Variants in AKAP9 observed in about 807,000 individuals in gnomAD.
AKAP9 encodes A-kinase anchor protein 9.
AKAP9 carries 311 observed loss-of-function variants against 488.5 expected under a neutral mutation model. The observed-to-expected ratio is 0.64, with a 90% confidence interval of 0.58 to 0.70. The LOEUF (loss-of-function observed/expected upper bound fraction) is 0.70. AKAP9 is among the 30% of genes least tolerant of loss of function. The pLI is 0.00. For synonymous variants in AKAP9, 1,462 were observed against 1,483.5 expected, an observed-to-expected ratio of 0.99 and a Z score of 0.33; for missense variants, 4,215 against 4,374.5, an observed-to-expected ratio of 0.96 and a Z score of 1.03.
rs779441350 is a variant in AKAP9 at position 92,093,169 on chromosome 7, AAGAC to A, written c.9435_9438del (p.Asp3145GlufsTer9). On this transcript the variant is annotated frameshift_variant, in exon 39 of 50. Transcript: ENST00000356239. LOFTEE classifies it high-confidence loss of function. ...ATGCAAGTGGAGCTCAGCAGTATGAAAGACAGAGCAACGGAACTGCAGGAGCAGC... is the reference window on the plus strand; with the variant it reads ...ATGCAAGTGGAGCTCAGCAGTATGAAAGAGCAACGGAACTGCAGGAGCAGC... 3 of 1,614,220 alleles carry A rather than the reference AAGAC, an allele frequency of 1.9e-6. No homozygotes were observed. The highest frequency in any genetic ancestry group is 2.2e-5 in the South Asian group (2 of 91,088).
At chr7:92,056,921 C>T (rs1053369472) in intron 22 of AKAP9, among the ~76,000 whole-genome samples, 85 of 152,016 alleles carry the variant, frequency 5.6e-4, no homozygotes, top group African/African-American at 2.0e-3. Flanking sequence ...TTCTTTAAAA[C>T]AACTTTCATT....
chr7:92,076,835 T>C lies in AKAP9; in HGVS notation c.6613-20T>C, dbSNP rs1161342891. The C allele has an allele frequency of 7.4e-7, 1 of 1,358,578 alleles. No homozygotes were observed. The highest frequency in any genetic ancestry group is 1.0e-6 in the Non-Finnish European group (1 of 977,726). 84.2% of individuals were successfully genotyped at this position (1,358,578 alleles called of 1,614,324 possible). ...GTTTGTATAAACATTTTTTCTCTTTTGATAATTTTGTTATTAAAGATTACA... is the reference window on the plus strand; with the variant it reads ...GTTTGTATAAACATTTTTTCTCTTTCGATAATTTTGTTATTAAAGATTACA... On this transcript the variant is annotated intron_variant, in intron 28 of 49. Transcript: ENST00000356239.
intron 35 of AKAP9, 126 bp from the exon 36 acceptor site, chr7:92,085,369 G>A: frequency 1.1e-6 from 1 of 902,320 alleles, no homozygotes. Flanking sequence ...AAGGCATTCA[G>A]TAATGTTGGG....
chr7:92,109,046 AAAG>A, intron 49 of AKAP9: 2 of 242,166 alleles, frequency 8.3e-6, no homozygotes, highest in East Asian at 5.7e-5. Context: ...ACCCTGTCTC[AAAG>A]AAAAAAAAAA....
At chr7:92,020,073 T>C (rs6465346) in intron 12 of AKAP9, among the ~76,000 whole-genome samples, 1 of 152,036 alleles carries the variant, frequency 6.6e-6, no homozygotes, top group African/African-American at 2.4e-5. Context: ...TAGATGAATA[T>C]AGCAAACAGG....
At chr7:91,992,049 T>C in intron 3 of AKAP9, 109 bp from the exon 4 acceptor site, 1 of 914,734 alleles carries the variant, frequency 1.1e-6, no homozygotes, top group Non-Finnish European at 1.8e-6. Flanking sequence ...AATGATGCAT[T>C]TTCCCTAGGA....
chr7:92,023,489 A>G (rs1802622933), intron 14 of AKAP9, among the ~76,000 whole-genome samples: 1 of 151,598 alleles, frequency 6.6e-6, no homozygotes, highest in African/African-American at 2.4e-5. Context: ...ATCTGTCGTT[A>G]CTCCTCTTTC....
intron 8 of AKAP9, 120 bp from the exon 9 acceptor site, chr7:92,012,309 T>G: frequency 1.1e-6 from 1 of 881,064 alleles, no homozygotes; most frequent in South Asian, 1.7e-5. Flanking sequence ...AGAAAAAAAA[T>G]TAGACTTCAG....
chr7:92,042,832 A>T, intron 20 of AKAP9, 61 bp downstream of exon 20: 2 of 1,146,504 alleles, frequency 1.7e-6, no homozygotes, highest in Non-Finnish European at 2.6e-6. Flanking sequence ...TCAATGTAAT[A>T]GACTTTGTCC....
At chr7:91,961,483 T>G (rs1378178211) in intron 1 of AKAP9, among the ~76,000 whole-genome samples, 1 of 151,796 alleles carries the variant, frequency 6.6e-6, no homozygotes, top group East Asian at 2.0e-4. Flanking sequence ...TGGCCAAAAC[T>G]TGGCATATTT....
intron 35 of AKAP9, 60 bp downstream of exon 35, chr7:92,085,000 G>C (rs1814271273): frequency 6.3e-7 from 1 of 1,581,080 alleles, no homozygotes; most frequent in Non-Finnish European, 8.7e-7. Context: ...GTTGAACATA[G>C]CAGTTCATTA....
Position 91,994,624 on chromosome 7 carries a change from C to G in AKAP9, c.580C>G (p.Gln194Glu), listed in dbSNP as rs1798165760. The change falls in exon 6 of 50, where the codon CAA becomes GAA. Residue 194 changes from glutamine (Q) to glutamate (E), a missense_variant. Physicochemically the swap from Gln to Glu is conservative, Grantham distance 29. This residue lies in a region of AKAP9 where 2,361 missense variants were observed against 2,430.0 expected (regional missense o/e 0.97). Transcript: ENST00000356239. ...AGCACTTACTATTTTCTTTCAGTTA[C>G]AAGAATTTGAAGCTGCCATTAAACA... ...TYGTEGLQQLQEFEAAIKQRD... is the reference protein window; with the variant it reads ...TYGTEGLQQLEEFEAAIKQRD... 1 of 1,611,078 alleles carries G rather than the reference C, an allele frequency of 6.2e-7. No individual in the cohort carries two copies. Among genetic ancestry groups the G allele is most frequent in the Non-Finnish European group, 8.5e-7 (1 of 1,178,728 alleles).
chr7:92,094,529 G>A (rs191169247), intron 39 of AKAP9, among the ~76,000 whole-genome samples: 6 of 146,634 alleles, frequency 4.1e-5, no homozygotes, highest in Non-Finnish European at 7.5e-5. Flanking sequence ...GGGAAACTCC[G>A]TCTCAAAAAA....
rs1818665862 is a variant in AKAP9, at chr7:92,107,282, G to A, written c.11417-11G>A. ...ATTTTTCTTTACAAGGAATATTTTGGGTTACTTTAGGTGCAGAAAAGACTG... is the reference window on the plus strand; with the variant it reads ...ATTTTTCTTTACAAGGAATATTTTGAGTTACTTTAGGTGCAGAAAAGACTG... On this transcript the variant is annotated splice_polypyrimidine_tract_variant and intron_variant, in intron 47 of 49. Coordinates refer to ENST00000356239, the MANE Select transcript of AKAP9 (RefSeq NM_005751.5). 2 of 1,613,450 alleles carry A rather than the reference G, an allele frequency of 1.2e-6. No individual in the cohort carries two copies. Among genetic ancestry groups the A allele is most frequent in the East Asian group, 2.2e-5 (1 of 44,812 alleles).
chr7:92,011,475 C>G (rs1167101688), intron 8 of AKAP9, among the ~76,000 whole-genome samples: 4 of 152,070 alleles, frequency 2.6e-5, no homozygotes, highest in Admixed American at 2.6e-4. Flanking sequence ...CAGTGTACTT[C>G]CAGTCATAAT....
rs768859701 is a variant in AKAP9, at chr7:91,973,919, C to G, written c.257C>G (p.Thr86Ser). The G allele has an allele frequency of 5.6e-6, 9 of 1,613,824 alleles. No individual in the cohort carries two copies. The highest frequency in any genetic ancestry group is 1.7e-5 in the Admixed American group (1 of 59,988). ...ATTCCTGAATCTACAATAATGAGAA[C>G]TCTACATAGTGGAGAAATAACCAGT... The part of the protein sequence containing the change: ...TVIPESTIMR[T>S]LHSGEITSHE... Residue 86 changes from threonine to serine, a missense_variant, in exon 2 of 50, where the codon ACT becomes AGT. Thr to Ser is a moderately conservative substitution (Grantham distance 58). Transcript: ENST00000356239.
At chr7:91,988,970 A>G (rs1344442491) in intron 3 of AKAP9, among the ~76,000 whole-genome samples, 3 of 152,166 alleles carry the variant, frequency 2.0e-5, no homozygotes, top group African/African-American at 7.2e-5. Context: ...TATCTACCTG[A>G]TATATTTGCA....
intron 16 of AKAP9, among the ~76,000 whole-genome samples, chr7:92,032,735 G>T (rs931784462): frequency 6.6e-5 from 10 of 152,212 alleles, no homozygotes; most frequent in Non-Finnish European, 1.2e-4. Flanking sequence ...ATTCACTTAT[G>T]CCTAAAGTGA....
intron 29 of AKAP9, 121 bp from the exon 30 acceptor site, chr7:92,077,575 A>C: frequency 1.2e-6 from 1 of 836,696 alleles, no homozygotes; most frequent in Non-Finnish European, 2.0e-6. Flanking sequence ...ATTTACAGTA[A>C]CCATATGGTG....
Sources: allele counts gnomAD v4.1 joint callset (sites outside exome capture counted in the v4.1 genomes callset), GRCh38; gene constraint gnomAD v4.1.1; regional missense constraint gnomAD v4.1.1; transcripts MANE v1.5; gene names NCBI Gene and HGNC (gene_info 2026-07-23, HGNC 2026-07-21).